The following AKR1C8 variants were observed in gnomAD, a reference collection of about 807,000 sequenced individuals.
AKR1C8 encodes the protein aldo-keto reductase family 1 member C-like protein 1.
chr10:5,121,859 G>A, the AKR1C8 span, among the ~76,000 whole-genome samples: 12,931 of 152,106 alleles, frequency 0.085, 799 homozygotes, highest in Non-Finnish European at 0.13. Context: ...ATCAAAAAAA[G>A]TGATTCACAA....
At chr10:5,183,436 C>A in the AKR1C8 span, among the ~76,000 whole-genome samples, 1 of 152,104 alleles carries the variant, frequency 6.6e-6, no homozygotes, top group Non-Finnish European at 1.5e-5. Context: ...CCTTATCCCC[C>A]CTTATTTCAT....
chr10:5,137,448 C>T, the AKR1C8 span, among the ~76,000 whole-genome samples: 1 of 152,046 alleles, frequency 6.6e-6, no homozygotes, highest in East Asian at 1.9e-4. Flanking sequence ...GTTCAACATA[C>T]ACAAATCAAT....
At chr10:5,129,404 GAAGAA>G in the AKR1C8 span, among the ~76,000 whole-genome samples, 1 of 151,848 alleles carries the variant, frequency 6.6e-6, no homozygotes, top group African/African-American at 2.4e-5. Context: ...AAAGATATCT[GAAGAA>G]AAGAAATAAT....
At chr10:5,160,787 G>A in the AKR1C8 span, 1 of 470,934 alleles carries the variant, frequency 2.1e-6, no homozygotes, top group Non-Finnish European at 4.4e-6. Context: ...ACACAGTGCT[G>A]CCTGGTGTCT....
chr10:5,158,539 A>G, the AKR1C8 span: 1 of 304,510 alleles, frequency 3.3e-6, no homozygotes, highest in South Asian at 2.3e-5. Flanking sequence ...TCGCTTTAAT[A>G]GGAGTTTTTC....
At chr10:5,132,572 G>A in the AKR1C8 span, 113 of 1,494,078 alleles carry the variant, frequency 7.6e-5, 1 homozygote, top group Admixed American at 3.4e-4. Context: ...TTAAATACAT[G>A]TGCATGCATG....
chr10:5,131,513 G>A, the AKR1C8 span, among the ~76,000 whole-genome samples: 2 of 151,892 alleles, frequency 1.3e-5, no homozygotes, highest in South Asian at 4.1e-4. Flanking sequence ...ATCCAAAAGT[G>A]GGCAAATGAC....
the AKR1C8 span, among the ~76,000 whole-genome samples, chr10:5,119,030 A>G: frequency 8.5e-5 from 13 of 152,142 alleles, no homozygotes; most frequent in Non-Finnish European, 1.5e-5. Flanking sequence ...ATGGTCTCCC[A>G]ATAGGCATTT....
the AKR1C8 span, chr10:5,160,797 T>C: frequency 8.5e-6 from 4 of 471,016 alleles, no homozygotes; most frequent in Admixed American, 4.7e-5. Flanking sequence ...GCCTGGTGTC[T>C]GCAGCAGAAC....
the AKR1C8 span, chr10:5,158,828 G>A: frequency 1.5e-4 from 62 of 402,408 alleles, no homozygotes; most frequent in African/African-American, 1.3e-3. Context: ...TACTTTTCAT[G>A]TTGGCCCTTT....
chr10:5,160,391 G>GA, the AKR1C8 span, among the ~76,000 whole-genome samples: 127 of 151,208 alleles, frequency 8.4e-4, no homozygotes, highest in South Asian at 0.015. Context: ...AAAAAAAAAT[G>GA]AAAAAAAATC....
At chr10:5,149,238 G>A in the AKR1C8 span, among the ~76,000 whole-genome samples, 3 of 151,960 alleles carry the variant, frequency 2.0e-5, no homozygotes, top group Non-Finnish European at 2.9e-5. Flanking sequence ...CTAATAACAG[G>A]TGTACTATAG....
the AKR1C8 span, among the ~76,000 whole-genome samples, chr10:5,135,805 A>T: frequency 6.6e-6 from 1 of 152,178 alleles, no homozygotes; most frequent in Admixed American, 6.6e-5. Context: ...AGGTGACAAT[A>T]AAAAAGTTAA....
At chr10:5,151,422 T>TC in the AKR1C8 span, among the ~76,000 whole-genome samples, 56 of 152,250 alleles carry the variant, frequency 3.7e-4, no homozygotes, top group Non-Finnish European at 7.1e-4. Context: ...AAAAGTTAGT[T>TC]CAGCCTATGC....
At chr10:5,166,900 G>A in the AKR1C8 span, among the ~76,000 whole-genome samples, 1 of 151,126 alleles carries the variant, frequency 6.6e-6, no homozygotes, top group Non-Finnish European at 1.5e-5. Flanking sequence ...CTGACAAAGG[G>A]CAAATATCAA....
the AKR1C8 span, among the ~76,000 whole-genome samples, chr10:5,128,211 AT>A: frequency 6.6e-6 from 1 of 152,146 alleles, no homozygotes; most frequent in African/African-American, 2.4e-5. Flanking sequence ...AAATACAGTC[AT>A]TTTTAGAAAA....
At chr10:5,129,894 C>A in the AKR1C8 span, among the ~76,000 whole-genome samples, 14 of 151,938 alleles carry the variant, frequency 9.2e-5, no homozygotes, top group Admixed American at 8.5e-4. Context: ...TAGAGAGAGA[C>A]GGAACTCTGC....
chr10:5,127,182 A>C, the AKR1C8 span, among the ~76,000 whole-genome samples: 2 of 152,164 alleles, frequency 1.3e-5, no homozygotes, highest in African/African-American at 4.8e-5. Context: ...ACTCAACAAG[A>C]TATCACAGAA....
chr10:5,175,286 A>C, the AKR1C8 span, among the ~76,000 whole-genome samples: 16 of 151,876 alleles, frequency 1.1e-4, no homozygotes, highest in South Asian at 2.1e-4. Context: ...TCATCCATGT[A>C]CCTACAAAGG....
Sources: allele counts gnomAD v4.1 joint callset (sites outside exome capture counted in the v4.1 genomes callset), GRCh38; gene constraint gnomAD v4.1.1; transcripts MANE v1.5; gene names NCBI Gene and HGNC (gene_info 2026-07-23, HGNC 2026-07-21).